The following ARMC8 variants were observed in gnomAD, a reference collection of about 807,000 sequenced individuals.
ARMC8 encodes armadillo repeat-containing protein 8.
A neutral mutation model predicts 99.3 loss-of-function variants in ARMC8; 20 were observed. That is an observed-to-expected ratio of 0.20 (90% CI 0.14 to 0.29). ARMC8 has a LOEUF of 0.29. Among genes scored for constraint, ARMC8 ranks in the 10% least tolerant of loss-of-function variants. The pLI is 1.00. For synonymous variants in ARMC8, 263 were observed against 278.3 expected (o/e 0.95, Z 0.55); for missense variants, 569 against 809.5 (o/e 0.70, Z 3.60).
rs145607249 is a variant in ARMC8 at position 138,204,398 on chromosome 3, C to T, written c.46-5419C>T. On this transcript the variant is annotated intron_variant, in intron 1 of 21. Transcript: ENST00000469044. ...ATTGTCTTCTCTATTAAAACATTTC[C>T]GTCAATGAATAAGCATGCTCCAATT... Among the ~76,000 whole-genome samples, 286 of 152,276 alleles carry T rather than the reference C, an allele frequency of 1.9e-3. 1 individual carries two copies. The highest frequency in any genetic ancestry group is 6.5e-3 in the African/African-American group (272 of 41,552).
intron 1 of ARMC8, among the ~76,000 whole-genome samples, chr3:138,199,686 G>A (rs1431405731): frequency 1.3e-5 from 2 of 152,216 alleles, no homozygotes; most frequent in African/African-American, 4.8e-5. Context: ...AGGGGAAGAC[G>A]TGATTTGAAA....
intron 14 of ARMC8, among the ~76,000 whole-genome samples, chr3:138,265,073 A>T (rs989612604): frequency 6.6e-6 from 1 of 151,032 alleles, no homozygotes; most frequent in South Asian, 2.1e-4. Context: ...AATTTTTTTT[A>T]TTTTTTTGAG....
At chr3:138,207,540 T>C (rs1342408620) in intron 1 of ARMC8, among the ~76,000 whole-genome samples, 1 of 152,110 alleles carries the variant, frequency 6.6e-6, no homozygotes. Context: ...AACAGTAACA[T>C]CAAAATCAAT....
chr3:138,295,740 C>A, intron 21 of ARMC8, 119 bp from the exon 22 acceptor site: 2 of 1,153,356 alleles, frequency 1.7e-6, no homozygotes, highest in East Asian at 2.5e-5. Flanking sequence ...TGGGCTCACC[C>A]CAATTCCCTC....
At chr3:138,246,086 C>G in intron 12 of ARMC8, 1 of 985,264 alleles carries the variant, frequency 1.0e-6, no homozygotes, top group Non-Finnish European at 1.2e-6. Context: ...TTAGAGTTTA[C>G]CATGATTCAG....
chr3:138,242,974 CA>C (rs1339587720), intron 11 of ARMC8, among the ~76,000 whole-genome samples: 1 of 152,034 alleles, frequency 6.6e-6, no homozygotes, highest in African/African-American at 2.4e-5. Flanking sequence ...GGTGTTTTTC[CA>C]GTAGAAGTGA....
At chr3:138,257,274 G>T (rs2047455320) in intron 12 of ARMC8, among the ~76,000 whole-genome samples, 2 of 152,092 alleles carry the variant, frequency 1.3e-5, no homozygotes, top group Non-Finnish European at 2.9e-5. Context: ...TTGGTCTTTG[G>T]TTTGTTTTTG....
chr3:138,208,198 T>G (rs1459093583), intron 1 of ARMC8, among the ~76,000 whole-genome samples: 1 of 152,144 alleles, frequency 6.6e-6, no homozygotes, highest in African/African-American at 2.4e-5. Context: ...CTGGGCACAG[T>G]GGCTCATGCC....
At position 138,187,553 on chromosome 3, in the gene ARMC8, A is replaced by T; in HGVS notation, c.-2A>T. On this transcript the variant is annotated 5_prime_UTR_variant, in exon 1 of 22. The change creates a new upstream start codon in the 5' untranslated region. Transcript: ENST00000469044. The stretch of plus-strand genomic sequence containing the variant: ...TGCAGCAGCCGGGTGGGAAGGCTCA[A>T]GATGGCGTGCTTGTTGGAGACCCCA... The T allele has an allele frequency of 6.5e-7, 1 of 1,535,884 alleles. No individual in the cohort carries two copies.
At chr3:138,189,328 G>A (rs990528174) in intron 1 of ARMC8, among the ~76,000 whole-genome samples, 2 of 151,100 alleles carry the variant, frequency 1.3e-5, no homozygotes, top group African/African-American at 4.9e-5. Context: ...CCCAAAGTCT[G>A]GTCTATCAGA....
chr3:138,215,115 T>C (rs1301339801), intron 2 of ARMC8, among the ~76,000 whole-genome samples: 1 of 152,240 alleles, frequency 6.6e-6, no homozygotes, highest in Non-Finnish European at 1.5e-5. Context: ...ATTGACATGG[T>C]CTTTACTTGC....
At chr3:138,191,712 A>T (rs1302943655) in intron 1 of ARMC8, among the ~76,000 whole-genome samples, 1 of 152,160 alleles carries the variant, frequency 6.6e-6, no homozygotes, top group Non-Finnish European at 1.5e-5. Context: ...CTCCATCTCT[A>T]TAATGTTGTC....
chr3:138,251,552 T>C (rs745771762), intron 12 of ARMC8, among the ~76,000 whole-genome samples: 1 of 152,240 alleles, frequency 6.6e-6, no homozygotes. Context: ...GTTACCTTCT[T>C]AAAGCAAATC....
intron 21 of ARMC8, among the ~76,000 whole-genome samples, chr3:138,292,445 C>T (rs1198021147): frequency 6.6e-6 from 1 of 152,062 alleles, no homozygotes; most frequent in Non-Finnish European, 1.5e-5. Flanking sequence ...GTAATAATGT[C>T]GGTAAGGGAG....
At chr3:138,207,774 G>C (rs1196373175) in intron 1 of ARMC8, among the ~76,000 whole-genome samples, 1 of 152,204 alleles carries the variant, frequency 6.6e-6, no homozygotes, top group Non-Finnish European at 1.5e-5. Flanking sequence ...TAAAGATCAT[G>C]AGAAGCCCCA....
chr3:138,282,444 G>A (rs1255295322), intron 18 of ARMC8, among the ~76,000 whole-genome samples: 2 of 151,974 alleles, frequency 1.3e-5, no homozygotes, highest in Non-Finnish European at 2.9e-5. Flanking sequence ...TCAGGAGTTC[G>A]AGACCAGCCT....
chr3:138,244,273 T>C (rs1050763173), intron 11 of ARMC8, among the ~76,000 whole-genome samples: 1 of 151,972 alleles, frequency 6.6e-6, no homozygotes, highest in Non-Finnish European at 1.5e-5. Flanking sequence ...ATTTTATTTA[T>C]TTTTATTTAT....
intron 18 of ARMC8, among the ~76,000 whole-genome samples, chr3:138,277,563 C>T (rs2049420819): frequency 6.6e-6 from 1 of 152,102 alleles, no homozygotes; most frequent in Non-Finnish European, 1.5e-5. Flanking sequence ...AACAACCAAA[C>T]ATAAAACTGA....
intron 12 of ARMC8, among the ~76,000 whole-genome samples, chr3:138,255,445 G>A (rs963282339): frequency 3.6e-4 from 54 of 151,976 alleles, no homozygotes; most frequent in African/African-American, 1.1e-3. Context: ...CTTGTGATCC[G>A]CCCGCCTTGG....
Sources: allele counts gnomAD v4.1 joint callset (sites outside exome capture counted in the v4.1 genomes callset), GRCh38; gene constraint gnomAD v4.1.1; transcripts MANE v1.5; gene names NCBI Gene and HGNC (gene_info 2026-07-23, HGNC 2026-07-21).